Variants in MALRD1 observed in about 807,000 individuals in gnomAD.
MALRD1 encodes MAM and LDL-receptor class A domain-containing protein 1.
MALRD1 carries 247 observed loss-of-function variants against 242.1 expected under a neutral mutation model. The ratio of observed to expected loss-of-function variants is 1.02; its 90% CI spans 0.92 to 1.13. The LOEUF (loss-of-function observed/expected upper bound fraction) is 1.13. MALRD1 is among the 50% of genes most tolerant of loss of function. MALRD1 has a pLI of 0.00. For missense variants in MALRD1, 2,989 were observed against 2,533.1 expected, an observed-to-expected ratio of 1.18 and a Z score of -3.86; for synonymous variants, 995 against 866.6, an observed-to-expected ratio of 1.15 and a Z score of -2.60.
chr10:19,450,840 C>T (rs1835283135), intron 29 of MALRD1, among the ~76,000 whole-genome samples: 1 of 152,050 alleles, frequency 6.6e-6, no homozygotes, highest in Non-Finnish European at 1.5e-5. Context: ...CTTGCTGTGT[C>T]TTCACTTGGT....
chr10:19,124,398 T>C (rs1588579211), intron 6 of MALRD1, 126 bp from the exon 7 acceptor site: 2 of 871,416 alleles, frequency 2.3e-6, no homozygotes, highest in African/African-American at 3.5e-5. Flanking sequence ...AACTTGCAGA[T>C]ATAAATTAGT....
intron 5 of MALRD1, among the ~76,000 whole-genome samples, chr10:19,106,539 C>T (rs1417548405): frequency 6.6e-6 from 1 of 151,234 alleles, no homozygotes; most frequent in Non-Finnish European, 1.5e-5. Context: ...TCCCTTAATC[C>T]AGCTATTGTT....
intron 33 of MALRD1, among the ~76,000 whole-genome samples, chr10:19,592,759 A>ACGCGCG (rs1414895826): frequency 7.2e-6 from 1 of 139,602 alleles, no homozygotes; most frequent in African/African-American, 2.8e-5. Flanking sequence ...ACACACACAC[A>ACGCGCG]CACGCACGCA....
chr10:19,611,581 A>T (rs1838898436), intron 35 of MALRD1, among the ~76,000 whole-genome samples: 1 of 152,006 alleles, frequency 6.6e-6, no homozygotes, highest in Non-Finnish European at 1.5e-5. Context: ...CTGTGGCTAA[A>T]GATTGGGAAC....
chr10:19,702,819 A>G (rs900394593), intron 38 of MALRD1, among the ~76,000 whole-genome samples: 2 of 152,156 alleles, frequency 1.3e-5, no homozygotes, highest in African/African-American at 4.8e-5. Flanking sequence ...GAAAACCATC[A>G]CCCTCTCGAA....
chr10:19,613,378 C>A (rs2131604645), intron 35 of MALRD1, among the ~76,000 whole-genome samples: 1 of 152,084 alleles, frequency 6.6e-6, no homozygotes, highest in Admixed American at 6.6e-5. Context: ...CTTTAAAAAT[C>A]TTAATTCTCC....
At position 19,209,309 on chromosome 10, in the gene MALRD1, T is replaced by G; in HGVS notation, c.2620T>G (p.Trp874Gly). 1.3e-6 allele frequency: 2 copies of G among 1,548,042 alleles called. No homozygotes were observed. Among genetic ancestry groups the G allele is most frequent in the Non-Finnish European group, 1.7e-6 (2 of 1,146,126 alleles). The change falls in exon 18 of 40, where the codon TGG becomes GGG. Residue 874 changes from tryptophan to glycine, a missense_variant. By Grantham distance (184) the Trp-to-Gly change is radical. Coordinates refer to ENST00000454679, the MANE Select transcript of MALRD1 (RefSeq NM_001142308.3). ...TAACTTTGAAACTGGAATCTGTAAC[T>G]GGGAACAAGATGCAAAAGATGACTT... The part of the protein sequence containing the change: ...QCNFETGICN[W>G]EQDAKDDFDW...
intron 28 of MALRD1, among the ~76,000 whole-genome samples, chr10:19,439,745 T>C (rs1463020949): frequency 1.3e-5 from 2 of 152,158 alleles, no homozygotes; most frequent in Admixed American, 6.6e-5. Flanking sequence ...TGTGGACTAT[T>C]GTTTTGAATG....
chr10:19,226,107 A>G (rs11009010), intron 18 of MALRD1, among the ~76,000 whole-genome samples: 11,349 of 152,222 alleles, frequency 0.075, 513 homozygotes, highest in East Asian at 0.17. Flanking sequence ...CATTCTTAAT[A>G]CAATATTAGC....
intron 5 of MALRD1, among the ~76,000 whole-genome samples, chr10:19,109,979 T>A (rs1272297274): frequency 1.3e-5 from 2 of 152,170 alleles, no homozygotes; most frequent in Non-Finnish European, 2.9e-5. Context: ...TGGTAATTAC[T>A]TCTGATTCTG....
chr10:19,053,800 A>T (rs1210265305), intron 1 of MALRD1, among the ~76,000 whole-genome samples: 1 of 16,938 alleles, frequency 5.9e-5, no homozygotes, highest in African/African-American at 7.9e-4. Flanking sequence ...CAATATAATA[A>T]AAAAAAACCT....
At chr10:19,294,411 C>T (rs188857359) in intron 21 of MALRD1, among the ~76,000 whole-genome samples, 179 of 152,224 alleles carry the variant, frequency 1.2e-3, no homozygotes, top group Non-Finnish European at 1.9e-3. Context: ...GCTCTTGTGA[C>T]ATAGTGATTT....
chr10:19,360,246 T>A (rs971416665), intron 26 of MALRD1, among the ~76,000 whole-genome samples: 1 of 152,032 alleles, frequency 6.6e-6, no homozygotes, highest in Admixed American at 6.6e-5. Flanking sequence ...CACTTGGACT[T>A]GTGAAACTTC....
At chr10:19,148,532 A>G (rs1195654522) in intron 11 of MALRD1, among the ~76,000 whole-genome samples, 1 of 152,086 alleles carries the variant, frequency 6.6e-6, no homozygotes, top group Non-Finnish European at 1.5e-5. Context: ...TAAGACAATT[A>G]GAAAATATGT....
chr10:19,618,359 T>C (rs1839261169), intron 36 of MALRD1, among the ~76,000 whole-genome samples: 2 of 152,102 alleles, frequency 1.3e-5, no homozygotes, highest in African/African-American at 4.8e-5. Context: ...AGTAATGGGA[T>C]TGCTGGGTCC....
intron 28 of MALRD1, among the ~76,000 whole-genome samples, chr10:19,442,438 T>TTA (rs746827085): frequency 5.9e-5 from 9 of 152,184 alleles, no homozygotes; most frequent in Non-Finnish European, 1.0e-4. Context: ...TCATTCAGTA[T>TTA]GATATTGGCT....
At chr10:19,488,239 T>A (rs1415287091) in intron 29 of MALRD1, among the ~76,000 whole-genome samples, 1 of 152,238 alleles carries the variant, frequency 6.6e-6, no homozygotes, top group African/African-American at 2.4e-5. Context: ...CCCCTTTAGA[T>A]GAAAACATTG....
rs1427326644 is a variant in MALRD1, at chr10:19,205,143, C to T, written c.2456C>T (p.Pro819Leu). 1.9e-6 allele frequency: 3 copies of T among 1,550,726 alleles called. No homozygotes were observed. The highest frequency in any genetic ancestry group is 2.6e-6 in the Non-Finnish European group (3 of 1,147,060). Residue 819 changes from proline to leucine, a missense_variant, in exon 17 of 40, where the codon CCT (proline) becomes CTT (leucine). Pro to Leu is a moderately conservative substitution (Grantham distance 98). Coordinates refer to ENST00000454679, the MANE Select transcript of MALRD1 (RefSeq NM_001142308.3). ...TTTGAAAATTGTACTCTCCCTCTTC[C>T]TGCTGAGAGCTGTGAAGGGCTGGAT... The part of the protein sequence containing the change: ...IRFENCTLPL[P>L]AESCEGLDHF...
intron 33 of MALRD1, among the ~76,000 whole-genome samples, chr10:19,586,728 C>T (rs546118066): frequency 1.3e-5 from 2 of 152,362 alleles, no homozygotes; most frequent in African/African-American, 4.8e-5. Context: ...GGCCCGCAGG[C>T]CTCCTTGAGC....
Sources: gnomAD v4.1 joint callset for allele counts (sites outside exome capture counted in the v4.1 genomes callset) on GRCh38, gnomAD v4.1.1 for gene constraint, MANE v1.5 for transcripts, NCBI Gene and HGNC (gene_info 2026-07-23, HGNC 2026-07-21) for gene names.